CUX2: variants seen among roughly 807,000 people sequenced by gnomAD.
The protein encoded by CUX2 is homeobox protein cut-like 2.
CUX2 carries 40 observed loss-of-function variants against 144.8 expected under a neutral mutation model. That is an observed-to-expected ratio of 0.28 (90% CI 0.21 to 0.36). CUX2 has a LOEUF of 0.36. CUX2 is among the 10% of genes least tolerant of loss of function. The pLI, the probability that CUX2 is intolerant of heterozygous loss-of-function variation, is 1.00. For missense variants in CUX2, 1,615 were observed against 1,994.0 expected, an observed-to-expected ratio of 0.81 and a Z score of 3.62; for synonymous variants, 827 against 875.6, an observed-to-expected ratio of 0.94 and a Z score of 0.98.
At chr12:111,337,470 T>A (rs1354101428) in intron 19 of CUX2, among the ~76,000 whole-genome samples, 1 of 152,198 alleles carries the variant, frequency 6.6e-6, no homozygotes, top group Non-Finnish European at 1.5e-5. Context: ...TTTCAGGCCA[T>A]GGATGCGCCA....
chr12:111,070,386 TTCCTTCTTTCCTTCC>T, intron 1 of CUX2, among the ~76,000 whole-genome samples: 1 of 81,806 alleles, frequency 1.2e-5, no homozygotes, highest in African/African-American at 6.6e-5. Flanking sequence ...TCTTCCTTCC[TTCCTTCTTTCCTTCC>T]TTCCTTCCTT....
chr12:111,082,267 G>T (rs1014135006), intron 1 of CUX2, among the ~76,000 whole-genome samples: 1 of 152,136 alleles, frequency 6.6e-6, no homozygotes, highest in South Asian at 2.1e-4. Flanking sequence ...AGAGATGAGC[G>T]GGAGAGAGAG....
intron 21 of CUX2, among the ~76,000 whole-genome samples, chr12:111,344,824 T>A (rs1888724836): frequency 6.6e-6 from 1 of 152,266 alleles, no homozygotes; most frequent in Admixed American, 6.5e-5. Context: ...TGCCAGTTCC[T>A]GTGCCCTCTC....
At chr12:111,045,845 G>T (rs1180041105) in intron 1 of CUX2, among the ~76,000 whole-genome samples, 1 of 152,196 alleles carries the variant, frequency 6.6e-6, no homozygotes, top group Non-Finnish European at 1.5e-5. Flanking sequence ...GAGAATATTT[G>T]ATTTGATGCA....
intron 1 of CUX2, among the ~76,000 whole-genome samples, chr12:111,132,643 C>T (rs371210192): frequency 6.7e-4 from 99 of 147,012 alleles, no homozygotes; most frequent in Non-Finnish European, 1.2e-3. Context: ...CTCAACTAAC[C>T]GCAACCTCTG....
chr12:111,172,316 A>T (rs1397649105), intron 1 of CUX2, among the ~76,000 whole-genome samples: 4 of 152,242 alleles, frequency 2.6e-5, no homozygotes, highest in African/African-American at 9.6e-5. Flanking sequence ...AGGTTTATTT[A>T]AAAAATCAGC....
intron 1 of CUX2, among the ~76,000 whole-genome samples, chr12:111,049,905 T>C (rs1167637310): frequency 6.6e-6 from 1 of 152,220 alleles, no homozygotes; most frequent in Non-Finnish European, 1.5e-5. Context: ...CTGGTTTTAC[T>C]GTTCAGTGCA....
At chr12:111,206,382 G>A (rs1432392570) in intron 1 of CUX2, among the ~76,000 whole-genome samples, 2 of 152,232 alleles carry the variant, frequency 1.3e-5, no homozygotes, top group Non-Finnish European at 1.5e-5. Context: ...CTCTGCCTGG[G>A]TTGCTTGGCT....
At chr12:111,064,194 T>C (rs1870926245) in intron 1 of CUX2, among the ~76,000 whole-genome samples, 1 of 152,066 alleles carries the variant, frequency 6.6e-6, no homozygotes, top group South Asian at 2.1e-4. Context: ...GGATTCAGAA[T>C]CAGAGAGCTG....
chr12:111,208,571 G>T (rs889922469), intron 1 of CUX2, among the ~76,000 whole-genome samples: 12 of 152,138 alleles, frequency 7.9e-5, no homozygotes, highest in African/African-American at 2.9e-4. Flanking sequence ...TCTTAACTAT[G>T]TGTGATGTGG....
chr12:111,332,128 CTTTTTTTTTTT>C (rs765789593), intron 18 of CUX2, among the ~76,000 whole-genome samples: 1 of 119,602 alleles, frequency 8.4e-6, no homozygotes, highest in Non-Finnish European at 1.7e-5. Flanking sequence ...ATCTGTCTAC[CTTTTTTTTTTT>C]TTTTTTTTTT....
intron 17 of CUX2, among the ~76,000 whole-genome samples, chr12:111,321,488 G>A (rs929008366): frequency 6.6e-6 from 1 of 151,312 alleles, no homozygotes; most frequent in Non-Finnish European, 1.5e-5. Context: ...AAAAAAAAGT[G>A]TTTGGGATCA....
At chr12:111,311,255 TA>T (rs1323225937) in intron 15 of CUX2, among the ~76,000 whole-genome samples, 1 of 152,108 alleles carries the variant, frequency 6.6e-6, no homozygotes, top group African/African-American at 2.4e-5. Context: ...TGAGAACTGT[TA>T]GGGGTGGTGG....
Position 111,171,922 on chromosome 12 carries a change from C to T in CUX2, c.64-42278C>T, listed in dbSNP as rs1011079481. ...GCAGCATATGCACTCTCTGTGTGTG[C>T]GTGTGCCTGTGCCTGTGTACACGTG... On this transcript the variant is annotated intron_variant, in intron 1 of 21. Coordinates refer to ENST00000261726, the MANE Select transcript of CUX2 (RefSeq NM_015267.4). This position sits in a 1 kb window ranked among gnomAD's most constrained non-coding sequence, Gnocchi z 5.0. Among the ~76,000 whole-genome samples, 6 of 151,934 alleles carry T rather than the reference C, an allele frequency of 3.9e-5. No homozygotes were observed. The highest frequency in any genetic ancestry group is 4.1e-4 in the South Asian group (2 of 4,828).
chr12:111,249,436 CCTTTTTTTG>C (rs1565872180), intron 3 of CUX2, among the ~76,000 whole-genome samples: 21 of 134,926 alleles, frequency 1.6e-4, no homozygotes, highest in African/African-American at 5.8e-4. Flanking sequence ...ATTAATAGAC[CCTTTTTTTG>C]TTTTTTTTTT....
chr12:111,280,696 C>T (rs897422525), intron 4 of CUX2, among the ~76,000 whole-genome samples: 6 of 152,156 alleles, frequency 3.9e-5, no homozygotes, highest in African/African-American at 9.7e-5. Flanking sequence ...TGGCACTCCT[C>T]GGCTTCTAGA....
At chr12:111,328,101 G>A (rs911588777) in intron 18 of CUX2, among the ~76,000 whole-genome samples, 1 of 152,110 alleles carries the variant, frequency 6.6e-6, no homozygotes, top group African/African-American at 2.4e-5. Flanking sequence ...CCTGGAGGTG[G>A]CTACTGTAGC....
chr12:111,283,335 G>A (rs1885215297), intron 4 of CUX2, among the ~76,000 whole-genome samples: 1 of 152,130 alleles, frequency 6.6e-6, no homozygotes, highest in Non-Finnish European at 1.5e-5. Flanking sequence ...GTCTGTTCCA[G>A]CATCGGGCAG....
intron 3 of CUX2, among the ~76,000 whole-genome samples, chr12:111,222,312 C>T (rs1881896626): frequency 6.6e-6 from 1 of 152,198 alleles, no homozygotes; most frequent in Non-Finnish European, 1.5e-5. Context: ...GACATGAAAA[C>T]ATCTAAATTA....
Sources: allele counts gnomAD v4.1 joint callset (sites outside exome capture counted in the v4.1 genomes callset), GRCh38; gene constraint gnomAD v4.1.1; non-coding constraint Gnocchi (gnomAD v3.1); transcripts MANE v1.5; gene names NCBI Gene and HGNC (gene_info 2026-07-23, HGNC 2026-07-21).